The following ATP5PB variants were observed in gnomAD, a reference collection of about 807,000 sequenced individuals.
ATP5PB encodes the protein ATP synthase peripheral stalk subunit b, mitochondrial.
ATP5PB carries 21 observed loss-of-function variants against 34.5 expected under a neutral mutation model. That is an observed-to-expected ratio of 0.61 (90% confidence interval 0.43 to 0.88). The LOEUF is 0.88. Ranked by LOEUF, ATP5PB falls within the 40% of genes least tolerant of loss-of-function variation. ATP5PB has a pLI of 0.00. For missense variants in ATP5PB, 293 were observed against 317.4 expected, an observed-to-expected ratio of 0.92 and a Z score of 0.58; for synonymous variants, 108 against 114.1, an observed-to-expected ratio of 0.95 and a Z score of 0.34.
rs1233427623 is a variant in ATP5PB, at chr1:111,461,316, G to C, written c.*322G>C. 1 of 203,280 alleles carries C rather than the reference G, an allele frequency of 4.9e-6. No homozygotes were observed. Among genetic ancestry groups the C allele is most frequent in the Non-Finnish European group, 1.0e-5 (1 of 98,190 alleles). 12.6% of individuals were successfully genotyped at this position (203,280 alleles called of 1,614,324 possible). A position where few individuals can be genotyped will look rare whatever the true frequency, so the allele number is the denominator to read the frequency against. On this transcript the variant is annotated 3_prime_UTR_variant, in exon 7 of 7. Transcript: ENST00000369722. ...TAATTCTACCATCTTGCAATAAAGT[G>C]ACAATTGAATGAAACAGGGTTTTTC...
intron 2 of ATP5PB, among the ~76,000 whole-genome samples, chr1:111,453,859 A>T (rs1380087220): frequency 6.6e-6 from 1 of 152,246 alleles, no homozygotes; most frequent in African/African-American, 2.4e-5. Flanking sequence ...CTCAAAGTCA[A>T]GGAGCAGGTC....
At chr1:111,460,836 C>G in intron 6 of ATP5PB, 81 bp from the exon 7 acceptor site, 1 of 1,262,846 alleles carries the variant, frequency 7.9e-7, no homozygotes, top group East Asian at 2.4e-5. Flanking sequence ...TAGGAGGTGT[C>G]TTTTAGAATA....
chr1:111,460,792 T>C (rs1338771041), intron 6 of ATP5PB, 125 bp from the exon 7 acceptor site: 1 of 702,588 alleles, frequency 1.4e-6, no homozygotes, highest in Non-Finnish European at 2.5e-6. Context: ...CTGTATAGTG[T>C]TAAGCCAGTA....
intron 3 of ATP5PB, among the ~76,000 whole-genome samples, chr1:111,454,617 T>C (rs1461446461): frequency 6.6e-6 from 1 of 152,074 alleles, no homozygotes; most frequent in Non-Finnish European, 1.5e-5. Context: ...CATTTTTCTA[T>C]TTTTTTGTAG....
In ATP5PB at chr1:111,456,756, G is replaced by A; in HGVS notation, c.513+1G>A. The stretch of plus-strand genomic sequence containing the variant: ...CCATTACCTTTTTGATGTGCAAAGG[G>A]TAGGTTTCAGAAGTTTCTAGGAAGA... On this transcript the variant is annotated splice_donor_variant, in intron 5 of 6. Transcript: ENST00000369722. LOFTEE classifies it high-confidence loss of function. The A allele has an allele frequency of 1.3e-6, 2 of 1,598,848 alleles. No homozygotes were observed. The highest frequency in any genetic ancestry group is 1.7e-6 in the Non-Finnish European group (2 of 1,174,596).
chr1:111,458,171 C>A (rs915273641), intron 5 of ATP5PB, among the ~76,000 whole-genome samples: 1 of 152,146 alleles, frequency 6.6e-6, no homozygotes, highest in African/African-American at 2.4e-5. Flanking sequence ...ATGCAAATGT[C>A]AACAGGTAAT....
intron 2 of ATP5PB, among the ~76,000 whole-genome samples, chr1:111,450,271 C>T (rs1259826295): frequency 6.6e-6 from 1 of 152,188 alleles, no homozygotes; most frequent in Non-Finnish European, 1.5e-5. Context: ...TTCCCAGATA[C>T]CTAGTTTTTG....
At position 111,456,720 on chromosome 1, in the gene ATP5PB, G is replaced by C. The variant is rs1653485393; in HGVS notation, c.478G>C (p.Val160Leu). The change falls in exon 5 of 7, where the codon GTT becomes CTT. Residue 160 changes from valine to leucine, a missense_variant. Val to Leu is a conservative substitution (Grantham distance 32, BLOSUM62 1). Coordinates refer to ENST00000369722, the MANE Select transcript of ATP5PB (RefSeq NM_001688.5). ...IDTEKSQQAL[V>L]QKRHYLFDVQ... ...TACGGAGAAGTCACAACAGGCACTG[G>C]TTCAGAAGCGCCATTACCTTTTTGA... 6.2e-7 allele frequency: 1 copy of C among 1,612,876 alleles called. No individual in the cohort carries two copies. The highest frequency in any genetic ancestry group is 8.5e-7 in the Non-Finnish European group (1 of 1,179,580).
At chr1:111,456,901 C>T in intron 5 of ATP5PB, 146 bp downstream of exon 5, 1 of 997,646 alleles carries the variant, frequency 1.0e-6, no homozygotes, top group Non-Finnish European at 1.4e-6. Context: ...GCATTCACGG[C>T]TATTCAAACA....
At position 111,449,523 on chromosome 1, in the gene ATP5PB, A is replaced by G; in HGVS notation, c.-19A>G. The G allele has an allele frequency of 2.5e-6, 4 of 1,614,020 alleles. No homozygotes were observed. In the South Asian group the frequency reaches 4.4e-5, roughly 18 times the overall value. ...GGGTCACAGGGACGCTAAGATTGCT[A>G]CCTGGACTTTCGTTGACCATGCTGT... is the stretch of plus-strand genomic sequence containing the variant. On this transcript the variant is annotated 5_prime_UTR_variant, in exon 1 of 7. Transcript: ENST00000369722.
intron 2 of ATP5PB, among the ~76,000 whole-genome samples, chr1:111,451,113 G>A (rs891898407): frequency 2.0e-5 from 3 of 152,092 alleles, no homozygotes; most frequent in Non-Finnish European, 2.9e-5. Context: ...GGAGGATTAT[G>A]TCAATCCCCC....
rs749584142 is a variant in ATP5PB, at chr1:111,459,568, C to A, written c.625C>A (p.Arg209=). The A allele has an allele frequency of 1.2e-6, 2 of 1,613,844 alleles. No homozygotes were observed. The highest frequency in any genetic ancestry group is 1.7e-6 in the Non-Finnish European group (2 of 1,179,838). Reference sequence around the variant, plus strand: ...TATATCTGTGCAGAACATGATGCGTCGAAAGGAACAAGAACACATGATAAA... The same window carrying A: ...TATATCTGTGCAGAACATGATGCGTAGAAAGGAACAAGAACACATGATAAA... ...YHISVQNMMR[R]KEQEHMINWV... Residue 209 remains arginine, a synonymous_variant, in exon 6 of 7, where the codon CGA becomes AGA. Transcript: ENST00000369722.
rs750956454 is a variant in ATP5PB at position 111,459,642 on chromosome 1, C to T, written c.693+6C>T. 1.9e-6 allele frequency: 3 copies of T among 1,612,742 alleles called. No homozygotes were observed. Among genetic ancestry groups the T allele is most frequent in the South Asian group, 2.2e-5 (2 of 90,900 alleles). ...AAAGCATCTCCACACAGCAGGTACACAACATTTTTGTAGGTTCTGATGTTG... is the reference window on the plus strand; with the variant it reads ...AAAGCATCTCCACACAGCAGGTACATAACATTTTTGTAGGTTCTGATGTTG... On this transcript the variant is annotated splice_donor_region_variant and intron_variant, in intron 6 of 6. Coordinates refer to ENST00000369722, the MANE Select transcript of ATP5PB (RefSeq NM_001688.5).
In ATP5PB at chr1:111,454,447, G is replaced by T. The variant is rs1653413506; in HGVS notation, c.223+91G>T. 3.6e-6 allele frequency: 5 copies of T among 1,401,160 alleles called. No homozygotes were observed. In the South Asian group the frequency reaches 4.3e-5, roughly 12 times the overall value. The allele number at this position is 1,401,160 out of a possible 1,614,324, so 86.8% of individuals were successfully genotyped here. On this transcript the variant is annotated intron_variant, in intron 3 of 6. Coordinates refer to ENST00000369722, the MANE Select transcript of ATP5PB (RefSeq NM_001688.5). ...GTTTTCTTCTTTGGTTTTTGTTGTT[G>T]TTGTTGTTGTTGTTGTTGTTGTTTT... is the stretch of plus-strand genomic sequence containing the variant.
chr1:111,456,663 G>A lies in ATP5PB; in HGVS notation c.421G>A (p.Ala141Thr). 1 of 1,613,648 alleles carries A rather than the reference G, an allele frequency of 6.2e-7. No homozygotes were observed. The highest frequency in any genetic ancestry group is 8.5e-7 in the Non-Finnish European group (1 of 1,179,836). Residue 141 changes from alanine to threonine, a missense_variant, in exon 5 of 7, where the codon GCT (alanine) becomes ACT (threonine). Physicochemically the swap from Ala to Thr is moderately conservative, Grantham distance 58. Coordinates refer to ENST00000369722, the MANE Select transcript of ATP5PB (RefSeq NM_001688.5). The stretch of plus-strand genomic sequence containing the variant: ...TGCCCAACTAGAAGAGGCGAAGCAG[G>A]CTTCCATCCAACACATCCAGAATGC... ...KLAQLEEAKQ[A>T]SIQHIQNAID...
intron 5 of ATP5PB, among the ~76,000 whole-genome samples, chr1:111,457,445 A>C (rs950944743): frequency 6.6e-6 from 1 of 152,150 alleles, no homozygotes; most frequent in Admixed American, 6.5e-5. Context: ...ATGTTCAAGT[A>C]TTTTGTTATT....
intron 2 of ATP5PB, among the ~76,000 whole-genome samples, chr1:111,450,988 C>T (rs1387148424): frequency 6.6e-6 from 1 of 152,196 alleles, no homozygotes; most frequent in East Asian, 1.9e-4. Context: ...ACTGCTGCTT[C>T]CACTACCGCT....
chr1:111,453,721 G>T (rs1399153745), intron 2 of ATP5PB, among the ~76,000 whole-genome samples: 2 of 152,118 alleles, frequency 1.3e-5, no homozygotes, highest in Non-Finnish European at 2.9e-5. Flanking sequence ...TTTTCCATGT[G>T]CCAGGCATCA....
At chr1:111,452,161 T>C (rs1653352509) in intron 2 of ATP5PB, among the ~76,000 whole-genome samples, 1 of 151,770 alleles carries the variant, frequency 6.6e-6, no homozygotes, top group Non-Finnish European at 1.5e-5. Flanking sequence ...ATGTATGTTA[T>C]ATTAAGTAGT....
Sources: gnomAD v4.1 joint callset for allele counts (sites outside exome capture counted in the v4.1 genomes callset) on GRCh38, gnomAD v4.1.1 for gene constraint, MANE v1.5 for transcripts, NCBI Gene and HGNC (gene_info 2026-07-23, HGNC 2026-07-21) for gene names.